Variants in PRKG1 observed in about 807,000 individuals in gnomAD.
The protein encoded by PRKG1 is cGMP-dependent protein kinase 1.
PRKG1 carries 35 observed loss-of-function variants against 88.1 expected under a neutral mutation model. That is an observed-to-expected ratio of 0.40 (90% CI 0.30 to 0.53). The LOEUF is 0.53. Ranked by LOEUF, PRKG1 falls within the 20% of genes least tolerant of loss-of-function variation. The pLI is 0.59. For synonymous variants in PRKG1, 303 were observed against 292.5 expected (o/e 1.04, Z -0.37); for missense variants, 540 against 839.8 (o/e 0.64, Z 4.41).
chr10:51,982,381 A>G (rs1233565224), intron 5 of PRKG1, among the ~76,000 whole-genome samples: 3 of 152,190 alleles, frequency 2.0e-5, no homozygotes, highest in Non-Finnish European at 4.4e-5. Context: ...GAAGGAAAGA[A>G]GACACTCAGG....
chr10:51,049,446 G>C (rs1044443850), intron 1 of PRKG1, among the ~76,000 whole-genome samples: 1 of 152,094 alleles, frequency 6.6e-6, no homozygotes, highest in South Asian at 2.1e-4. Context: ...TGATTTGGGG[G>C]AATTATTCCC....
intron 1 of PRKG1, among the ~76,000 whole-genome samples, chr10:51,050,676 A>T (rs1284463583): frequency 6.6e-6 from 1 of 152,168 alleles, no homozygotes; most frequent in African/African-American, 2.4e-5. Context: ...CTATATACCC[A>T]GAAGGTGAGA....
intron 5 of PRKG1, among the ~76,000 whole-genome samples, chr10:52,053,561 A>G (rs1369532410): frequency 6.6e-6 from 1 of 152,180 alleles, no homozygotes; most frequent in Non-Finnish European, 1.5e-5. Context: ...ATAGGGCCAG[A>G]TGGCACAGTT....
At chr10:51,200,108 G>C (rs1837874741) in intron 2 of PRKG1, among the ~76,000 whole-genome samples, 1 of 152,192 alleles carries the variant, frequency 6.6e-6, no homozygotes, top group Non-Finnish European at 1.5e-5. Flanking sequence ...ACACTTGAAG[G>C]ATCAGAAAAT....
At chr10:51,094,788 G>A (rs1296713891) in intron 1 of PRKG1, among the ~76,000 whole-genome samples, 3 of 152,156 alleles carry the variant, frequency 2.0e-5, no homozygotes, top group Non-Finnish European at 4.4e-5. Context: ...TTGGTGTTTA[G>A]AGTTTTGATT....
chr10:51,456,597 G>A (rs1839592063), intron 2 of PRKG1, among the ~76,000 whole-genome samples: 1 of 151,964 alleles, frequency 6.6e-6, no homozygotes, highest in African/African-American at 2.4e-5. Flanking sequence ...AAATAGATGG[G>A]ACCTAATAAA....
chr10:51,219,791 T>C (rs1423948545), intron 2 of PRKG1, among the ~76,000 whole-genome samples: 1 of 151,972 alleles, frequency 6.6e-6, no homozygotes, highest in Non-Finnish European at 1.5e-5. Flanking sequence ...AAGTGAAGGA[T>C]TGGCAGGAGA....
chr10:51,178,368 G>A (rs1837253492), intron 2 of PRKG1, among the ~76,000 whole-genome samples: 1 of 152,132 alleles, frequency 6.6e-6, no homozygotes, highest in African/African-American at 2.4e-5. Context: ...GCTGGGCGCG[G>A]TGGCTCACAC....
At chr10:51,318,955 C>T (rs959942839) in intron 2 of PRKG1, among the ~76,000 whole-genome samples, 4 of 152,182 alleles carry the variant, frequency 2.6e-5, no homozygotes, top group Non-Finnish European at 5.9e-5. Context: ...TAAATAATTT[C>T]TGTAATAACA....
intron 2 of PRKG1, among the ~76,000 whole-genome samples, chr10:51,408,331 T>A (rs906167476): frequency 6.6e-6 from 1 of 152,240 alleles, no homozygotes; most frequent in Non-Finnish European, 1.5e-5. Flanking sequence ...GACCAGTGAA[T>A]TCCATGAGCA....
chr10:51,807,496 C>T (rs1009539331), intron 4 of PRKG1, among the ~76,000 whole-genome samples: 1 of 152,148 alleles, frequency 6.6e-6, no homozygotes. Flanking sequence ...GACACAGGAG[C>T]CTTTCTGAAT....
intron 1 of PRKG1, among the ~76,000 whole-genome samples, chr10:51,138,022 G>A (rs954457246): frequency 1.3e-5 from 2 of 152,042 alleles, no homozygotes; most frequent in Admixed American, 1.3e-4. Context: ...ATGTATTGGT[G>A]GTTCCAAAAG....
intron 3 of PRKG1, among the ~76,000 whole-genome samples, chr10:51,511,861 C>CAG (rs1841422773): frequency 2.0e-5 from 3 of 152,268 alleles, no homozygotes; most frequent in African/African-American, 7.2e-5. Flanking sequence ...TTATAATAGT[C>CAG]ATAAAGTAGA....
chr10:51,182,885 T>C (rs1837384363), intron 2 of PRKG1, among the ~76,000 whole-genome samples: 1 of 152,178 alleles, frequency 6.6e-6, no homozygotes, highest in Non-Finnish European at 1.5e-5. Context: ...TGTTTTATCC[T>C]TGCTCCTGGG....
At chr10:51,036,600 C>T (rs1481372151) in intron 1 of PRKG1, among the ~76,000 whole-genome samples, 2 of 152,078 alleles carry the variant, frequency 1.3e-5, no homozygotes, top group Non-Finnish European at 2.9e-5. Flanking sequence ...TCAATAGCTT[C>T]ATTTATTCTC....
chr10:52,061,800 T>A (rs534693032), intron 6 of PRKG1, among the ~76,000 whole-genome samples: 91 of 152,186 alleles, frequency 6.0e-4, no homozygotes, highest in African/African-American at 2.0e-3. Context: ...CATGTGGATT[T>A]TGAGGGATAT....
At chr10:52,166,224 A>G (rs919851305) in intron 9 of PRKG1, among the ~76,000 whole-genome samples, 6 of 65,906 alleles carry the variant, frequency 9.1e-5, no homozygotes, top group Admixed American at 1.8e-4. Context: ...GTATTCATTC[A>G]TTTAATAAAC....
chr10:51,479,454 G>A (rs928764311), intron 3 of PRKG1, among the ~76,000 whole-genome samples: 2 of 151,934 alleles, frequency 1.3e-5, no homozygotes, highest in Non-Finnish European at 2.9e-5. Flanking sequence ...GTTGGTAGGT[G>A]CTTTTGTTTT....
intron 2 of PRKG1, among the ~76,000 whole-genome samples, chr10:51,181,992 G>A (rs77812929): frequency 0.03 from 4,611 of 152,234 alleles, 114 homozygotes; most frequent in Non-Finnish European, 0.049. Context: ...ACATTTTTTG[G>A]GAAGTGTTTG....
Sources: allele counts gnomAD v4.1 joint callset (sites outside exome capture counted in the v4.1 genomes callset), GRCh38; gene constraint gnomAD v4.1.1; transcripts MANE v1.5; gene names NCBI Gene and HGNC (gene_info 2026-07-23, HGNC 2026-07-21).